The following NCOA2 variants were observed in gnomAD, a reference collection of about 807,000 sequenced individuals.
NCOA2 encodes the protein nuclear receptor coactivator 2.
A neutral mutation model predicts 145.1 loss-of-function variants in NCOA2; 21 were observed. The ratio of observed to expected loss-of-function variants is 0.14; its 90% CI spans 0.10 to 0.21. NCOA2 has a LOEUF of 0.21. Among genes scored for constraint, NCOA2 ranks in the 10% least tolerant of loss-of-function variants. The pLI is 1.00. For missense variants in NCOA2, 1,472 were observed against 1,837.6 expected, an observed-to-expected ratio of 0.80 and a Z score of 3.64; for synonymous variants, 619 against 637.5, an observed-to-expected ratio of 0.97 and a Z score of 0.44.
At chr8:70,122,735 G>A (rs1315773806) in intron 21 of NCOA2, among the ~76,000 whole-genome samples, 4 of 152,130 alleles carry the variant, frequency 2.6e-5, no homozygotes, top group East Asian at 3.8e-4. Flanking sequence ...AATAAAACAC[G>A]GAAGCTCTGT....
At chr8:70,446,849 C>T in the NCOA2 span, among the ~76,000 whole-genome samples, 3 of 152,120 alleles carry the variant, frequency 2.0e-5, no homozygotes, top group Non-Finnish European at 4.4e-5. Flanking sequence ...CTGGAAACTT[C>T]AAGATTTGAT....
intron 11 of NCOA2, among the ~76,000 whole-genome samples, chr8:70,149,296 G>A (rs538625020): frequency 2.0e-5 from 3 of 151,126 alleles, no homozygotes; most frequent in Admixed American, 6.6e-5. Context: ...GAGCAGTAGC[G>A]CAAACACTCA....
the NCOA2 span, among the ~76,000 whole-genome samples, chr8:70,414,095 T>C: frequency 1.3e-5 from 2 of 152,254 alleles, no homozygotes; most frequent in Non-Finnish European, 2.9e-5. Flanking sequence ...CTTAATCACA[T>C]TCTTTTCTTA....
the NCOA2 span, among the ~76,000 whole-genome samples, chr8:70,426,319 C>T: frequency 6.6e-6 from 1 of 152,116 alleles, no homozygotes; most frequent in East Asian, 1.9e-4. Flanking sequence ...TAAAATAAAA[C>T]TAAGAAACAA....
chr8:70,251,824 C>A (rs1176300776), intron 2 of NCOA2, among the ~76,000 whole-genome samples: 2 of 152,206 alleles, frequency 1.3e-5, no homozygotes, highest in Non-Finnish European at 2.9e-5. Flanking sequence ...GCCTGGGAAT[C>A]TCAAAGTCAT....
rs1370184887 is a variant in NCOA2, at chr8:70,110,503, G to A, written c.*3129C>T. On this transcript the variant is annotated 3_prime_UTR_variant, in exon 23 of 23. Coordinates refer to ENST00000452400, the MANE Select transcript of NCOA2 (RefSeq NM_006540.4). Reference sequence around the variant, plus strand: ...TTTTCTTTTGTGCAGAGGATGCTTTGCTCTTAGGCAGCATACCACCATACA... The same window carrying A: ...TTTTCTTTTGTGCAGAGGATGCTTTACTCTTAGGCAGCATACCACCATACA... 5.0e-6 allele frequency: 1 copy of A among 199,746 alleles called. No individual in the cohort carries two copies. The allele number at this position is 199,746 out of a possible 1,614,324, so 12.4% of individuals were successfully genotyped here.
At chr8:70,433,812 G>A in the NCOA2 span, among the ~76,000 whole-genome samples, 7 of 152,112 alleles carry the variant, frequency 4.6e-5, no homozygotes, top group East Asian at 7.7e-4. Context: ...TGAAGTTGCC[G>A]CTTCTTAAAG....
At chr8:70,197,434 AG>A (rs948775574) in intron 4 of NCOA2, among the ~76,000 whole-genome samples, 1 of 152,150 alleles carries the variant, frequency 6.6e-6, no homozygotes, top group African/African-American at 2.4e-5. Flanking sequence ...TACGTCAGGG[AG>A]GGTGAGGGAC....
At chr8:70,206,039 CAT>C (rs1440260738) in intron 4 of NCOA2, among the ~76,000 whole-genome samples, 2 of 152,184 alleles carry the variant, frequency 1.3e-5, no homozygotes, top group Non-Finnish European at 2.9e-5. Flanking sequence ...AGCCAGGAAA[CAT>C]GTGGGCACTC....
At chr8:70,114,100 C>G (rs1328523305) in intron 22 of NCOA2, among the ~76,000 whole-genome samples, 1 of 152,202 alleles carries the variant, frequency 6.6e-6, no homozygotes, top group East Asian at 1.9e-4. Context: ...AAATGGCCCT[C>G]CTGATTTTCC....
chr8:70,279,594 T>C (rs907186119), intron 2 of NCOA2, among the ~76,000 whole-genome samples: 1 of 152,208 alleles, frequency 6.6e-6, no homozygotes, highest in African/African-American at 2.4e-5. Context: ...ATGAGACTAA[T>C]ATCCCTACTT....
chr8:70,422,666 G>C, the NCOA2 span, among the ~76,000 whole-genome samples: 3 of 152,054 alleles, frequency 2.0e-5, no homozygotes, highest in South Asian at 6.2e-4. Context: ...CCACCTCCCA[G>C]TGTTGCGATT....
intron 1 of NCOA2, among the ~76,000 whole-genome samples, chr8:70,342,617 T>C (rs569500522): frequency 9.2e-5 from 14 of 152,126 alleles, no homozygotes; most frequent in South Asian, 4.1e-4. Flanking sequence ...CCACAGATTG[T>C]CACATGCTGA....
At chr8:70,360,361 C>A (rs537614143) in intron 1 of NCOA2, among the ~76,000 whole-genome samples, 19 of 152,132 alleles carry the variant, frequency 1.2e-4, no homozygotes, top group African/African-American at 4.6e-4. Flanking sequence ...CATCACCTTT[C>A]AAGTTAGTGA....
At chr8:70,266,205 G>A (rs1268550721) in intron 2 of NCOA2, among the ~76,000 whole-genome samples, 1 of 152,128 alleles carries the variant, frequency 6.6e-6, no homozygotes, top group East Asian at 1.9e-4. Context: ...TTCTGTCACC[G>A]AGGTGGGAGT....
At chr8:70,274,958 A>C (rs556509494) in intron 2 of NCOA2, among the ~76,000 whole-genome samples, 75 of 152,318 alleles carry the variant, frequency 4.9e-4, no homozygotes, top group African/African-American at 1.8e-3. Flanking sequence ...TCGGCTAGAG[A>C]AGTGGCACAG....
intron 1 of NCOA2, among the ~76,000 whole-genome samples, chr8:70,351,594 CTTT>C (rs66475474): frequency 7.4e-6 from 1 of 134,440 alleles, no homozygotes; most frequent in Non-Finnish European, 1.6e-5. Flanking sequence ...TCTTTTTTTC[CTTT>C]TTTTTTTTTT....
At chr8:70,360,942 C>CAAAAAA (rs1213854420) in intron 1 of NCOA2, among the ~76,000 whole-genome samples, 2 of 55,324 alleles carry the variant, frequency 3.6e-5, no homozygotes, top group African/African-American at 5.6e-5. Flanking sequence ...GATTCCAGCT[C>CAAAAAA]AAAAAAAAAA....
chr8:70,412,647 C>CAAA, the NCOA2 span, among the ~76,000 whole-genome samples: 36 of 48,216 alleles, frequency 7.5e-4, no homozygotes, highest in East Asian at 1.4e-3. Flanking sequence ...TACTTCGTCT[C>CAAA]AAAAAAAAAA....
Sources: allele counts gnomAD v4.1 joint callset (sites outside exome capture counted in the v4.1 genomes callset), GRCh38; gene constraint gnomAD v4.1.1; transcripts MANE v1.5; gene names NCBI Gene and HGNC (gene_info 2026-07-23, HGNC 2026-07-21).